The following KYNU variants were observed in gnomAD, a reference collection of about 807,000 sequenced individuals.
The protein encoded by KYNU is kynureninase.
A neutral mutation model predicts 59.2 loss-of-function variants in KYNU; 54 were observed. The ratio of observed to expected loss-of-function variants is 0.91; its 90% CI spans 0.73 to 1.14. The LOEUF is 1.14. KYNU is among the 50% of genes most tolerant of loss of function. KYNU has a pLI of 0.00. For synonymous variants in KYNU, 177 were observed against 192.0 expected (o/e 0.92, Z 0.65); for missense variants, 567 against 554.4 (o/e 1.02, Z -0.23).
At chr2:142,892,511 G>A (rs1033282039) in intron 2 of KYNU, among the ~76,000 whole-genome samples, 7 of 152,144 alleles carry the variant, frequency 4.6e-5, no homozygotes, top group African/African-American at 1.7e-4. Flanking sequence ...TAAATAATAA[G>A]GTACGGAATA....
intron 2 of KYNU, among the ~76,000 whole-genome samples, chr2:142,917,587 C>T (rs1558920118): frequency 6.6e-6 from 1 of 152,166 alleles, no homozygotes; most frequent in African/African-American, 2.4e-5. Context: ...CAGGCATGGG[C>T]CACTGTGCCT....
chr2:142,903,046 A>G (rs1169589693), intron 2 of KYNU, among the ~76,000 whole-genome samples: 9 of 152,204 alleles, frequency 5.9e-5, no homozygotes. Context: ...ATAGAGGAAC[A>G]GCAGCCTCAC....
intron 2 of KYNU, among the ~76,000 whole-genome samples, chr2:142,895,476 G>GAATAATT (rs1681837437): frequency 6.6e-6 from 1 of 152,080 alleles, no homozygotes; most frequent in South Asian, 2.1e-4. Context: ...TTTTATTGCT[G>GAATAATT]AATAGTATTC....
At chr2:142,992,854 A>G (rs1343378444) in intron 10 of KYNU, among the ~76,000 whole-genome samples, 3 of 152,106 alleles carry the variant, frequency 2.0e-5, no homozygotes, top group Non-Finnish European at 4.4e-5. Flanking sequence ...CGATTTTAAA[A>G]TGTTATAATT....
intron 3 of KYNU, among the ~76,000 whole-genome samples, chr2:142,921,090 A>G (rs1682865802): frequency 6.6e-6 from 1 of 152,156 alleles, no homozygotes; most frequent in South Asian, 2.1e-4. Context: ...TTTATTTCAC[A>G]CTCAGATACA....
chr2:143,029,059 A>C (rs896511722), intron 10 of KYNU, among the ~76,000 whole-genome samples: 5 of 152,090 alleles, frequency 3.3e-5, no homozygotes, highest in African/African-American at 1.2e-4. Context: ...ATTTTTGTTC[A>C]TTTTATATTA....
rs60854220 is a variant in KYNU, at chr2:142,912,371, C to CTTTTT, written c.170-6217_170-6213dup. On this transcript the variant is annotated intron_variant, in intron 2 of 13. Transcript: ENST00000264170. Reference sequence around the variant, plus strand: ...GAGTCTCTAAGGATCTTTTGTATTTCTTTTTTTTTTTTTTTTTTTTTTTTT... The same window carrying CTTTTT: ...GAGTCTCTAAGGATCTTTTGTATTTCTTTTTTTTTTTTTTTTTTTTTTTTTTTTTT... Among the ~76,000 whole-genome samples, 132 of 89,492 alleles carry CTTTTT rather than the reference C, an allele frequency of 1.5e-3. 1 individual carries two copies. The highest frequency in any genetic ancestry group is 1.7e-3 in the Non-Finnish European group (82 of 46,974). The allele number at this position is 89,492 out of a possible 152,430, so 58.7% of individuals were successfully genotyped here. A position where few individuals can be genotyped will look rare whatever the true frequency, so the allele number is the denominator to read the frequency against.
At chr2:142,912,072 C>A (rs1476145544) in intron 2 of KYNU, among the ~76,000 whole-genome samples, 1 of 151,968 alleles carries the variant, frequency 6.6e-6, no homozygotes, top group East Asian at 1.9e-4. Flanking sequence ...TAGAATGAGT[C>A]GGGGAGGAGT....
At chr2:142,930,751 T>C (rs1399480967) in intron 4 of KYNU, among the ~76,000 whole-genome samples, 1 of 152,208 alleles carries the variant, frequency 6.6e-6, no homozygotes, top group Non-Finnish European at 1.5e-5. Flanking sequence ...TGTAGGCCTA[T>C]CCCCAAATAC....
At chr2:142,941,241 G>C (rs1683589560) in intron 4 of KYNU, among the ~76,000 whole-genome samples, 1 of 152,180 alleles carries the variant, frequency 6.6e-6, no homozygotes, top group Non-Finnish European at 1.5e-5. Context: ...TGTGATCTAA[G>C]GGAGCTTGTT....
intron 11 of KYNU, 29 bp from the exon 12 acceptor site, chr2:143,033,207 A>C: frequency 6.8e-7 from 1 of 1,474,680 alleles, no homozygotes; most frequent in East Asian, 2.3e-5. Context: ...GTTACCTTCT[A>C]TGATAATGAC....
In KYNU at chr2:142,960,684, A is replaced by G. The variant is rs543258746; in HGVS notation, c.643A>G (p.Ile215Val). The change falls in exon 8 of 14, where the codon ATT (isoleucine) becomes GTT (valine). Residue 215 changes from isoleucine to valine, a missense_variant. Physicochemically the swap from Ile to Val is conservative, Grantham distance 29. Transcript: ENST00000264170. ...LEVIEKEGDS[I>V]AVILFSGVHF... ...AGTAATTGAGAAGGAAGGAGACTCA[A>G]TTGCAGTGATCCTGTTCAGTGGGGT... The G allele has an allele frequency of 3.3e-5, 54 of 1,613,834 alleles. No homozygotes were observed. In the East Asian group the frequency reaches 3.6e-4, roughly 11 times the overall value.
intron 2 of KYNU, among the ~76,000 whole-genome samples, chr2:142,911,968 T>C (rs1682492564): frequency 6.6e-6 from 1 of 152,070 alleles, no homozygotes; most frequent in South Asian, 2.1e-4. Context: ...TTGATGATTT[T>C]TGCTTCAATG....
In KYNU at chr2:143,052,448, C is replaced by T. The variant is rs372849939; in HGVS notation, c.*10276C>T. The T allele has an allele frequency of 6.6e-6, 1 of 152,236 alleles. No homozygotes were observed. The highest frequency in any genetic ancestry group is 1.5e-5 in the Non-Finnish European group (1 of 68,070). The allele number at this position is 152,236 out of a possible 1,614,324, so 9.4% of individuals were successfully genotyped here. Reference sequence around the variant, plus strand: ...ATGTCAGAGACCTTTGTGGCAGCCCCTCCCATCACAGACCAGGAGCTTTAG... The same window carrying T: ...ATGTCAGAGACCTTTGTGGCAGCCCTTCCCATCACAGACCAGGAGCTTTAG... On this transcript the variant is annotated 3_prime_UTR_variant, in exon 14 of 14. Coordinates refer to ENST00000264170, the MANE Select transcript of KYNU (RefSeq NM_003937.3).
At chr2:142,974,491 C>G (rs1371543170) in intron 8 of KYNU, among the ~76,000 whole-genome samples, 1 of 152,092 alleles carries the variant, frequency 6.6e-6, no homozygotes, top group African/African-American at 2.4e-5. Flanking sequence ...AAATTGAGGT[C>G]CCAGTTTTTA....
rs1282290421 is a variant in KYNU at position 143,040,585 on chromosome 2, G to A, written c.1199G>A (p.Gly400Glu). The change falls in exon 13 of 14, where the codon GGG becomes GAG. Residue 400 changes from glycine (G) to glutamate (E), a missense_variant. Physicochemically the swap from Gly to Glu is moderately conservative, Grantham distance 98. Transcript: ENST00000264170. ...ACTCCGTCTCATGTAGAGGAGCGGG[G>A]GTGCCAGCTAACAATAACATTTTCT... is the stretch of plus-strand genomic sequence containing the variant. The part of the protein sequence containing the change: ...IITPSHVEER[G>E]CQLTITFSVP... The A allele has an allele frequency of 4.3e-6, 7 of 1,612,266 alleles. No homozygotes were observed. The highest frequency in any genetic ancestry group is 5.9e-6 in the Non-Finnish European group (7 of 1,179,058).
intron 10 of KYNU, among the ~76,000 whole-genome samples, chr2:143,017,528 G>A (rs1448562547): frequency 4.0e-5 from 5 of 125,082 alleles, no homozygotes; most frequent in South Asian, 5.3e-4. Context: ...TGCAATCTCC[G>A]CCTCCTGGGT....
chr2:143,042,612 A>ATG lies in KYNU; in HGVS notation c.*441_*442insGT, dbSNP rs1558990213. On this transcript the variant is annotated 3_prime_UTR_variant, in exon 14 of 14. Transcript: ENST00000264170. ...TATATATATATATATATATATATAT[A>ATG]TATATATATATATATATATGTGTGT... The ATG allele has an allele frequency of 1.0e-3, 13 of 12,830 alleles. 1 individual carries two copies. Among genetic ancestry groups the ATG allele is most frequent in the Admixed American group, 2.6e-3 (2 of 770 alleles). 0.8% of individuals were successfully genotyped at this position (12,830 alleles called of 1,614,324 possible). A position where few individuals can be genotyped will look rare whatever the true frequency, so the allele number is the denominator to read the frequency against.
At chr2:142,948,655 G>A (rs1271664848) in intron 4 of KYNU, among the ~76,000 whole-genome samples, 2 of 152,128 alleles carry the variant, frequency 1.3e-5, no homozygotes, top group Admixed American at 6.6e-5. Context: ...GGACAGCACA[G>A]GAAAGACCTG....
Sources: gnomAD v4.1 joint callset for allele counts (sites outside exome capture counted in the v4.1 genomes callset) on GRCh38, gnomAD v4.1.1 for gene constraint, MANE v1.5 for transcripts, NCBI Gene and HGNC (gene_info 2026-07-23, HGNC 2026-07-21) for gene names.